Variants in ATF7IP observed in about 807,000 individuals in gnomAD.
The protein encoded by ATF7IP is activating transcription factor 7-interacting protein 1.
ATF7IP carries 23 observed loss-of-function variants against 106.4 expected under a neutral mutation model. The ratio of observed to expected loss-of-function variants is 0.22; its 90% confidence interval spans 0.16 to 0.31. The LOEUF (loss-of-function observed/expected upper bound fraction) is 0.31. Ranked by LOEUF, ATF7IP falls within the 10% of genes least tolerant of loss-of-function variation. ATF7IP has a pLI of 1.00. For synonymous variants in ATF7IP, 542 were observed against 539.0 expected, an observed-to-expected ratio of 1.01 and a Z score of -0.08; for missense variants, 1,334 against 1,524.3, an observed-to-expected ratio of 0.88 and a Z score of 2.08.
At position 14,366,843 on chromosome 12, in the gene ATF7IP, C is replaced by A. The variant is rs533507837; in HGVS notation, c.-8+1016C>A. On this transcript the variant is annotated intron_variant, in intron 1 of 14. Transcript: ENST00000261168. ...AAAGTGGACCATTAATAAAAAAAAT[C>A]TGTTTTTTTCTTTTAAACACTGTAC... 3.9e-5 allele frequency among the ~76,000 whole-genome samples: 6 copies of A among 151,930 alleles called. No homozygotes were observed. The South Asian group carries it at 1.0e-3, about 26-fold the overall frequency.
Position 14,475,960 on chromosome 12 carries a change from C to T in ATF7IP, c.2933C>T (p.Ala978Val). Residue 978 changes from alanine to valine, a missense_variant, in exon 11 of 15, where the codon GCT becomes GTT. Coordinates refer to ENST00000261168, the MANE Select transcript of ATF7IP (RefSeq NM_018179.5). ...DLTMDDEESG[A>V]SQDPKKLNHT... ...ACAATGGATGATGAAGAGAGTGGAG[C>T]TTCACAAGGTACTTCAATAGTAATT... 1.2e-6 allele frequency: 2 copies of T among 1,612,942 alleles called. No homozygotes were observed. The highest frequency in any genetic ancestry group is 1.7e-4 in the Middle Eastern group (1 of 6,048).
chr12:14,481,089 G>A lies in ATF7IP; in HGVS notation c.3184G>A (p.Val1062Met), dbSNP rs779409850. The stretch of plus-strand genomic sequence containing the variant: ...ACCAAGAGCTCCTGCAAACCACCAG[G>A]TGGTTTATACAACTCTTCCTGCACC... ...PVPRAPANHQ[V>M]VYTTLPAPPA... is the part of the protein sequence containing the mutation. The change falls in exon 13 of 15, where the codon GTG (valine) becomes ATG (methionine). Residue 1062 changes from valine to methionine, a missense_variant. Transcript: ENST00000261168. 6.2e-7 allele frequency: 1 copy of A among 1,613,920 alleles called. No homozygotes were observed. Among genetic ancestry groups the A allele is most frequent in the Admixed American group, 1.7e-5 (1 of 59,982 alleles).
intron 10 of ATF7IP, among the ~76,000 whole-genome samples, chr12:14,471,147 T>G (rs1944026908): frequency 6.6e-6 from 1 of 152,242 alleles, no homozygotes; most frequent in Non-Finnish European, 1.5e-5. Flanking sequence ...AAATATCCTC[T>G]GTATGACTTT....
At chr12:14,396,688 G>T (rs999199074) in intron 1 of ATF7IP, among the ~76,000 whole-genome samples, 1 of 152,056 alleles carries the variant, frequency 6.6e-6, no homozygotes, top group Non-Finnish European at 1.5e-5. Context: ...GGGAATGCTG[G>T]GCTGGGAAGA....
chr12:14,396,196 C>T (rs529974873), intron 1 of ATF7IP, among the ~76,000 whole-genome samples: 10 of 152,188 alleles, frequency 6.6e-5, no homozygotes, highest in South Asian at 6.2e-4. Flanking sequence ...AAAGGAATTA[C>T]GTCAGGCAGC....
At chr12:14,465,627 T>G (rs949449640) in intron 9 of ATF7IP, among the ~76,000 whole-genome samples, 1 of 152,156 alleles carries the variant, frequency 6.6e-6, no homozygotes, top group East Asian at 1.9e-4. Flanking sequence ...TTTTTACTTC[T>G]GTACCCTGGA....
chr12:14,469,383 A>C (rs55813566), intron 10 of ATF7IP, among the ~76,000 whole-genome samples: 39,297 of 136,316 alleles, frequency 0.29, 6,886 homozygotes, highest in Admixed American at 0.44. Context: ...AAAAAAAAAA[A>C]CTTGGACATC....
intron 14 of ATF7IP, among the ~76,000 whole-genome samples, chr12:14,496,578 C>A (rs1165504938): frequency 2.6e-5 from 4 of 152,068 alleles, no homozygotes; most frequent in Non-Finnish European, 5.9e-5. Flanking sequence ...AAAAACAGGT[C>A]CACAGTTGGG....
intron 1 of ATF7IP, among the ~76,000 whole-genome samples, chr12:14,381,169 T>C (rs978845480): frequency 6.6e-6 from 1 of 152,226 alleles, no homozygotes; most frequent in Non-Finnish European, 1.5e-5. Flanking sequence ...GGTTCTTAAC[T>C]TGTCACCACT....
intron 5 of ATF7IP, among the ~76,000 whole-genome samples, chr12:14,442,702 A>G (rs1565515974): frequency 6.6e-6 from 1 of 152,224 alleles, no homozygotes; most frequent in East Asian, 1.9e-4. Flanking sequence ...TACATCTGAG[A>G]CAAATTGTTC....
At chr12:14,443,701 G>T (rs892642967) in intron 5 of ATF7IP, among the ~76,000 whole-genome samples, 3 of 152,172 alleles carry the variant, frequency 2.0e-5, no homozygotes, top group Non-Finnish European at 4.4e-5. Context: ...GCTATTTAGA[G>T]CTTTGGTGTC....
At chr12:14,389,752 C>T (rs1472674782) in intron 1 of ATF7IP, among the ~76,000 whole-genome samples, 2 of 152,214 alleles carry the variant, frequency 1.3e-5, no homozygotes, top group East Asian at 1.9e-4. Context: ...CTCAGCCTCC[C>T]GAGTAGCTGG....
intron 13 of ATF7IP, among the ~76,000 whole-genome samples, chr12:14,483,675 A>C (rs1383622804): frequency 6.6e-6 from 1 of 152,082 alleles, no homozygotes; most frequent in Non-Finnish European, 1.5e-5. Context: ...GCTATGGGAG[A>C]AACAGCACCA....
rs1945119282 is a variant in ATF7IP, at chr12:14,499,918, T to TA, written c.*1846dup. The TA allele has an allele frequency of 6.6e-6, 1 of 152,236 alleles. No individual in the cohort carries two copies. The highest frequency in any genetic ancestry group is 2.4e-5 in the African/African-American group (1 of 41,454). The allele number at this position is 152,236 out of a possible 1,614,324, so 9.4% of individuals were successfully genotyped here. Reference sequence around the variant, plus strand: ...GTATCTCTCTGTTCCTCTTCAAAGTTATTAAAATTCAGCTTAGGTCATGGA... The same window carrying TA: ...GTATCTCTCTGTTCCTCTTCAAAGTTAATTAAAATTCAGCTTAGGTCATGGA... On this transcript the variant is annotated 3_prime_UTR_variant, in exon 15 of 15. Transcript: ENST00000261168.
chr12:14,374,201 G>A (rs1487299800), intron 1 of ATF7IP, among the ~76,000 whole-genome samples: 4 of 150,856 alleles, frequency 2.7e-5, no homozygotes, highest in Middle Eastern at 6.9e-3. Flanking sequence ...GGGCTCAAGG[G>A]ATCCTCCTGA....
chr12:14,440,043 C>A (rs1175013443), intron 5 of ATF7IP, among the ~76,000 whole-genome samples: 1 of 152,200 alleles, frequency 6.6e-6, no homozygotes, highest in Non-Finnish European at 1.5e-5. Context: ...CTGTTACTGA[C>A]AATTTCTGAA....
At chr12:14,405,271 A>G (rs1193113249) in intron 1 of ATF7IP, among the ~76,000 whole-genome samples, 10 of 152,108 alleles carry the variant, frequency 6.6e-5, no homozygotes, top group African/African-American at 2.4e-4. Flanking sequence ...GATAAAAAAT[A>G]ATTTTAATTA....
chr12:14,446,688 G>A (rs1281342604), intron 5 of ATF7IP, among the ~76,000 whole-genome samples: 4 of 152,154 alleles, frequency 2.6e-5, no homozygotes, highest in East Asian at 3.9e-4. Flanking sequence ...CAAAACACAG[G>A]CTTACATATT....
At chr12:14,392,374 G>C (rs1340939927) in intron 1 of ATF7IP, among the ~76,000 whole-genome samples, 1 of 152,154 alleles carries the variant, frequency 6.6e-6, no homozygotes, top group African/African-American at 2.4e-5. Context: ...ATGTCACAGA[G>C]CAGGGTCTTT....
Sources: gnomAD v4.1 joint callset for allele counts (sites outside exome capture counted in the v4.1 genomes callset) on GRCh38, gnomAD v4.1.1 for gene constraint, MANE v1.5 for transcripts, NCBI Gene and HGNC (gene_info 2026-07-23, HGNC 2026-07-21) for gene names.